The following CASR variants were observed in gnomAD, a reference collection of about 807,000 sequenced individuals.
The protein encoded by CASR is calcium sensing receptor.
In CASR, 23 loss-of-function variants were observed where a neutral mutation model predicts 69.1. That is an observed-to-expected ratio of 0.33 (90% CI 0.24 to 0.47). The LOEUF is 0.47. Ranked by LOEUF, CASR falls within the 20% of genes least tolerant of loss-of-function variation. The pLI is 1.00. For missense variants in CASR, 924 were observed against 1,356.1 expected, an observed-to-expected ratio of 0.68 and a Z score of 5.00; for synonymous variants, 541 against 544.7, an observed-to-expected ratio of 0.99 and a Z score of 0.10.
At chr3:122,225,293 A>T (rs923399694) in intron 1 of CASR, among the ~76,000 whole-genome samples, 1 of 152,138 alleles carries the variant, frequency 6.6e-6, no homozygotes. Flanking sequence ...AACCTACAGA[A>T]TAGGACAAAA....
chr3:122,192,040 A>T (rs1270244319), intron 1 of CASR, among the ~76,000 whole-genome samples: 5 of 152,252 alleles, frequency 3.3e-5, no homozygotes, highest in Admixed American at 6.5e-5. Flanking sequence ...TTAAGAAATT[A>T]TCAGAAATAT....
intron 1 of CASR, among the ~76,000 whole-genome samples, chr3:122,218,563 T>G (rs925625092): frequency 6.7e-6 from 1 of 149,630 alleles, no homozygotes; most frequent in African/African-American, 2.5e-5. Flanking sequence ...AAAAAAAAGT[T>G]ATTTACAAGG....
chr3:122,189,143 A>G (rs1315603070), intron 1 of CASR, among the ~76,000 whole-genome samples: 1 of 152,232 alleles, frequency 6.6e-6, no homozygotes, highest in Non-Finnish European at 1.5e-5. Context: ...TGAGGAAAAC[A>G]AGATCAGCCT....
chr3:122,196,516 GTTTT>G (rs898374169), intron 1 of CASR, among the ~76,000 whole-genome samples: 4 of 151,462 alleles, frequency 2.6e-5, no homozygotes, highest in Admixed American at 6.6e-5. Flanking sequence ...GGTTTTTGGG[GTTTT>G]TTGTTTGTTT....
chr3:122,196,664 A>T (rs2107583966), intron 1 of CASR, among the ~76,000 whole-genome samples: 1 of 152,106 alleles, frequency 6.6e-6, no homozygotes, highest in East Asian at 1.9e-4. Context: ...TCAGCCTCCC[A>T]AGTAGCTGGG....
chr3:122,247,355 G>A lies in CASR; in HGVS notation c.-242-6593G>A, dbSNP rs559658015. 3 of 152,326 alleles carry A rather than the reference G, an allele frequency of 2.0e-5. No individual in the cohort carries two copies. The South Asian group carries it at 6.2e-4, about 32-fold the overall frequency. The allele number at this position is 152,326 out of a possible 1,614,324, so 9.4% of individuals were successfully genotyped here. ...ATACTGAAAAATGCCACCCTGGGTA[G>A]TCAGGGTTCCTTATGATTTGGAGAG... On this transcript the variant is annotated intron_variant, in intron 1 of 6. Coordinates refer to ENST00000639785, the MANE Select transcript of CASR (RefSeq NM_000388.4).
intron 5 of CASR, 91 bp from the exon 6 acceptor site, chr3:122,282,022 C>T (rs1332788613): frequency 6.4e-6 from 10 of 1,574,378 alleles, no homozygotes; most frequent in Non-Finnish European, 8.7e-6. Flanking sequence ...TGTGCCCAAA[C>T]TCCTCCCTCT....
chr3:122,279,463 T>C (rs2074861584), intron 5 of CASR, among the ~76,000 whole-genome samples: 1 of 152,160 alleles, frequency 6.6e-6, no homozygotes, highest in African/African-American at 2.4e-5. Flanking sequence ...AAATCCTAAA[T>C]AAAATATCAC....
At chr3:122,263,084 CT>C (rs1213480366) in intron 4 of CASR, among the ~76,000 whole-genome samples, 4 of 152,294 alleles carry the variant, frequency 2.6e-5, no homozygotes, top group African/African-American at 9.6e-5. Flanking sequence ...ACATCATAAT[CT>C]TTTTCATTTC....
intron 1 of CASR, among the ~76,000 whole-genome samples, chr3:122,215,441 C>T (rs1184452660): frequency 6.6e-6 from 1 of 152,184 alleles, no homozygotes; most frequent in Non-Finnish European, 1.5e-5. Flanking sequence ...GGCCTATTTG[C>T]TTCCAACGTT....
rs1252951509 is a variant in CASR at position 122,261,957 on chromosome 3, C to G, written c.922C>G (p.Pro308Ala). 6.2e-7 allele frequency: 1 copy of G among 1,614,166 alleles called. No individual in the cohort carries two copies. The highest frequency in any genetic ancestry group is 8.5e-7 in the Non-Finnish European group (1 of 1,179,982). Residue 308 changes from proline (P) to alanine (A), a missense_variant, in exon 4 of 7, where the codon CCT becomes GCT. Pro to Ala is a conservative substitution (Grantham distance 27). This residue lies in a region of CASR where 310 missense variants were observed against 395.7 expected (regional missense o/e 0.78). Coordinates refer to ENST00000639785, the MANE Select transcript of CASR (RefSeq NM_000388.4). Reference protein sequence around the residue: ...AWASSSLIAMPQYFHVVGGTI... With the variant: ...AWASSSLIAMAQYFHVVGGTI... ...GGCCAGCTCCTCCCTGATCGCCATG[C>G]CTCAGTACTTCCACGTGGTTGGCGG...
At chr3:122,247,268 T>C (rs965265395) in intron 1 of CASR, 1 of 152,176 alleles carries the variant, frequency 6.6e-6, no homozygotes, top group African/African-American at 2.4e-5. Flanking sequence ...TGGCAGAGTG[T>C]ACATTAGTTC....
rs189499303 is a variant in CASR, at chr3:122,224,878, C to T, written c.-242-29070C>T. Among the ~76,000 whole-genome samples, 14 of 152,102 alleles carry T rather than the reference C, an allele frequency of 9.2e-5. No individual in the cohort carries two copies. In the East Asian group the frequency reaches 1.9e-3, roughly 21 times the overall value. On this transcript the variant is annotated intron_variant, in intron 1 of 6. Coordinates refer to ENST00000639785, the MANE Select transcript of CASR (RefSeq NM_000388.4). ...AATGGAACAGGATAGAGAACCTAGA[C>T]GTAAAGCCACACACCTCCAACCACC...
intron 4 of CASR, among the ~76,000 whole-genome samples, chr3:122,269,346 G>T (rs545391082): frequency 6.6e-6 from 1 of 152,280 alleles, no homozygotes; most frequent in East Asian, 1.9e-4. Flanking sequence ...TGAGTATGAT[G>T]TTAACTTTCA....
chr3:122,262,552 C>A, intron 4 of CASR, 140 bp downstream of exon 4: 1 of 745,378 alleles, frequency 1.3e-6, no homozygotes. Context: ...TTCAAAGTAC[C>A]TTTTTTAAAT....
chr3:122,284,069 G>A lies in CASR; in HGVS notation c.2115G>A (p.Val705=). Residue 705 remains valine, a synonymous_variant, in exon 7 of 7, where the codon GTG becomes GTA. Coordinates refer to ENST00000639785, the MANE Select transcript of CASR (RefSeq NM_000388.4). ...TGAAAACCAACCGTGTCCTCCTGGT[G>A]TTTGAGGCCAAGATCCCCACCAGCT... ...ILVKTNRVLL[V]FEAKIPTSFH... is the part of the protein sequence containing the mutation. 2 of 1,614,222 alleles carry A rather than the reference G, an allele frequency of 1.2e-6. No homozygotes were observed. Among genetic ancestry groups the A allele is most frequent in the Non-Finnish European group, 1.7e-6 (2 of 1,180,038 alleles).
intron 1 of CASR, among the ~76,000 whole-genome samples, chr3:122,184,754 G>A (rs573947445): frequency 2.4e-4 from 37 of 152,352 alleles, no homozygotes; most frequent in African/African-American, 8.9e-4. Flanking sequence ...CCTAGAAGGG[G>A]CAGCGGGTCG....
rs2073874092 is a variant in CASR at position 122,194,942 on chromosome 3, C to T, written c.-243+11130C>T. Reference sequence around the variant, plus strand: ...ACACTTTAGTTATATTCTTCCCTGCCACCTCCCTTCCTCTTCCTCCTCCTT... The same window carrying T: ...ACACTTTAGTTATATTCTTCCCTGCTACCTCCCTTCCTCTTCCTCCTCCTT... On this transcript the variant is annotated intron_variant, in intron 1 of 6. Coordinates refer to ENST00000639785, the MANE Select transcript of CASR (RefSeq NM_000388.4). Among the ~76,000 whole-genome samples, 6 of 151,940 alleles carry T rather than the reference C, an allele frequency of 3.9e-5. No homozygotes were observed. In the South Asian group the frequency reaches 1.2e-3, roughly 32 times the overall value.
chr3:122,255,584 G>A (rs2074546348), intron 2 of CASR, among the ~76,000 whole-genome samples: 1 of 152,136 alleles, frequency 6.6e-6, no homozygotes, highest in South Asian at 2.1e-4. Context: ...TGTGCCATGT[G>A]TATACAGACC....
Sources: allele counts gnomAD v4.1 joint callset (sites outside exome capture counted in the v4.1 genomes callset), GRCh38; gene constraint gnomAD v4.1.1; regional missense constraint gnomAD v4.1.1; transcripts MANE v1.5; gene names NCBI Gene and HGNC (gene_info 2026-07-23, HGNC 2026-07-21).